The following USH2A variants were observed in gnomAD, a reference collection of about 807,000 sequenced individuals.
The protein encoded by USH2A is Usher syndrome 2A (autosomal recessive, mild).
In USH2A, 443 loss-of-function variants were observed where a neutral mutation model predicts 538.9. That is an observed-to-expected ratio of 0.82 (90% CI 0.76 to 0.89). The LOEUF (loss-of-function observed/expected upper bound fraction) is 0.89. USH2A is among the 40% of genes least tolerant of loss of function. The pLI is 0.00. For synonymous variants in USH2A, 2,413 were observed against 2,273.5 expected, an observed-to-expected ratio of 1.06 and a Z score of -1.75; for missense variants, 6,633 against 6,324.8, an observed-to-expected ratio of 1.05 and a Z score of -1.65.
At chr1:215,968,735 C>A (rs1177693276) in intron 36 of USH2A, among the ~76,000 whole-genome samples, 2 of 151,938 alleles carry the variant, frequency 1.3e-5, no homozygotes, top group African/African-American at 4.8e-5. Context: ...TGATTTCTGC[C>A]AGCAAAATAT....
chr1:215,864,045 C>A (rs917888260), intron 44 of USH2A, among the ~76,000 whole-genome samples: 2 of 152,182 alleles, frequency 1.3e-5, no homozygotes, highest in Admixed American at 1.3e-4. Context: ...CAACTGACTT[C>A]CTTAGTGAAT....
intron 5 of USH2A, among the ~76,000 whole-genome samples, chr1:216,326,899 CTAT>C (rs1052926643): frequency 6.6e-6 from 1 of 152,118 alleles, no homozygotes; most frequent in African/African-American, 2.4e-5. Flanking sequence ...CAACAATATA[CTAT>C]TATACCATGA....
chr1:216,061,726 G>T (rs1174750675), intron 30 of USH2A, among the ~76,000 whole-genome samples: 1 of 152,158 alleles, frequency 6.6e-6, no homozygotes, highest in Non-Finnish European at 1.5e-5. Flanking sequence ...AAGAATCCCA[G>T]TGAAACGACC....
In USH2A at chr1:216,222,394, C is replaced by A. The variant is rs114441368; in HGVS notation, c.2994-4844G>T. 6.6e-3 allele frequency among the ~76,000 whole-genome samples: 1,008 copies of A among 152,308 alleles called. 10 individuals are homozygous for A. Among genetic ancestry groups the A allele is most frequent in the African/African-American group, 0.023 (956 of 41,572 alleles). The stretch of plus-strand genomic sequence containing the variant: ...TGGCTGACCCCCAGGCTATAGATTG[C>A]TGAACTCTGGTAGAGCAGGTCATAT... On this transcript the variant is annotated intron_variant, in intron 14 of 71. Transcript: ENST00000307340.
At chr1:215,830,201 T>G (rs2102808529) in intron 47 of USH2A, among the ~76,000 whole-genome samples, 1 of 152,220 alleles carries the variant, frequency 6.6e-6, no homozygotes, top group South Asian at 2.1e-4. Flanking sequence ...GAAAGTAAAT[T>G]TTTTCCGGCT....
intron 21 of USH2A, among the ~76,000 whole-genome samples, chr1:216,168,034 A>G (rs1271049258): frequency 6.6e-6 from 1 of 152,132 alleles, no homozygotes; most frequent in African/African-American, 2.4e-5. Context: ...ACTGGTATAA[A>G]ATAACTATAA....
At chr1:216,138,983 A>T (rs1206447429) in intron 21 of USH2A, among the ~76,000 whole-genome samples, 2 of 151,726 alleles carry the variant, frequency 1.3e-5, no homozygotes, top group Non-Finnish European at 2.9e-5. Context: ...CTCTTACTCA[A>T]CCAAATCTAG....
Position 216,232,098 on chromosome 1 carries a change from G to A in USH2A, c.2848C>T (p.Pro950Ser), listed in dbSNP as rs552925338. 3.1e-6 allele frequency: 5 copies of A among 1,613,796 alleles called. No individual in the cohort carries two copies. In the African/African-American group the frequency reaches 5.3e-5, roughly 17 times the overall value. The change falls in exon 14 of 72, where the codon CCA becomes TCA. Residue 950 changes from proline to serine, a missense_variant. Coordinates refer to ENST00000307340, the MANE Select transcript of USH2A (RefSeq NM_206933.4). The stretch of plus-strand genomic sequence containing the variant: ...GCACCAGTTGTATGGCATGAGCATG[G>A]CAGGCAGCCAGTGGCATTGCCTGGA... Reference protein sequence around the residue: ...ISPGNATGCLPCSCHTTGAVN... With the variant: ...ISPGNATGCLSCSCHTTGAVN...
chr1:216,241,175 TAAAC>T (rs1035866783), intron 13 of USH2A, among the ~76,000 whole-genome samples: 87 of 152,258 alleles, frequency 5.7e-4, no homozygotes, highest in African/African-American at 2.0e-3. Flanking sequence ...TGAAAGGAGC[TAAAC>T]ATTCATCTTC....
chr1:215,763,037 C>A (rs1170850299), intron 56 of USH2A, among the ~76,000 whole-genome samples: 2 of 152,158 alleles, frequency 1.3e-5, no homozygotes, highest in Non-Finnish European at 2.9e-5. Context: ...GATTGTTTTT[C>A]TCCTGAAATC....
At chr1:216,411,595 C>T (rs1243168394) in intron 3 of USH2A, among the ~76,000 whole-genome samples, 1 of 152,142 alleles carries the variant, frequency 6.6e-6, no homozygotes, top group African/African-American at 2.4e-5. Context: ...TTGCTGCCAG[C>T]TCTGTTTCTC....
intron 44 of USH2A, among the ~76,000 whole-genome samples, chr1:215,862,878 T>A (rs1409543924): frequency 6.6e-6 from 1 of 152,200 alleles, no homozygotes; most frequent in Non-Finnish European, 1.5e-5. Flanking sequence ...AATTTAAGTA[T>A]CCCTGATCCC....
At chr1:216,338,155 T>C (rs1193491759) in intron 4 of USH2A, among the ~76,000 whole-genome samples, 1 of 151,404 alleles carries the variant, frequency 6.6e-6, no homozygotes. Flanking sequence ...TATAAACTGA[T>C]CCTAAAATTC....
At chr1:216,073,368 C>T in intron 27 of USH2A, 68 bp from the exon 28 acceptor site, 1 of 1,516,798 alleles carries the variant, frequency 6.6e-7, no homozygotes, top group East Asian at 2.3e-5. Flanking sequence ...CATTTTTGTC[C>T]TCTGCAGCAC....
chr1:216,362,027 G>A (rs1427410877), intron 4 of USH2A, among the ~76,000 whole-genome samples: 2 of 152,044 alleles, frequency 1.3e-5, no homozygotes, highest in Admixed American at 6.6e-5. Flanking sequence ...AATATTCTAC[G>A]ACTTTTTTTA....
At chr1:216,076,899 A>G (rs765883013) in intron 27 of USH2A, among the ~76,000 whole-genome samples, 47 of 152,166 alleles carry the variant, frequency 3.1e-4, no homozygotes, top group Non-Finnish European at 5.7e-4. Context: ...GCTTGGTCCT[A>G]TGCTGGAAGT....
chr1:216,277,293 C>T (rs1326217617), intron 11 of USH2A, among the ~76,000 whole-genome samples: 1 of 152,096 alleles, frequency 6.6e-6, no homozygotes. Flanking sequence ...CCTGGGGCTT[C>T]TCTCTCACAT....
At chr1:216,059,045 A>T (rs1366820122) in intron 30 of USH2A, among the ~76,000 whole-genome samples, 1 of 152,132 alleles carries the variant, frequency 6.6e-6, no homozygotes, top group Non-Finnish European at 1.5e-5. Flanking sequence ...AGAAAAAAAA[A>T]TTTCACGGCG....
intron 21 of USH2A, among the ~76,000 whole-genome samples, chr1:216,171,764 A>C (rs2034280219): frequency 6.6e-6 from 1 of 152,114 alleles, no homozygotes; most frequent in African/African-American, 2.4e-5. Flanking sequence ...ACAGAAGCAC[A>C]AAAAATGATT....
Sources: allele counts gnomAD v4.1 joint callset (sites outside exome capture counted in the v4.1 genomes callset), GRCh38; gene constraint gnomAD v4.1.1; transcripts MANE v1.5; gene names NCBI Gene and HGNC (gene_info 2026-07-23, HGNC 2026-07-21).